CLIC5: variants seen among roughly 807,000 people sequenced by gnomAD.
The protein encoded by CLIC5 is chloride intracellular channel protein 5.
In CLIC5, 20 loss-of-function variants were observed where a neutral mutation model predicts 24.7. The observed-to-expected ratio is 0.81, with a 90% CI of 0.57 to 1.18. The LOEUF (loss-of-function observed/expected upper bound fraction) is 1.18, where lower values mean the gene tolerates loss of function less well. CLIC5 is among the 50% of genes most tolerant of loss of function. The pLI is 0.00. For missense variants in CLIC5, 341 were observed against 326.1 expected (o/e 1.05, Z -0.35); for synonymous variants, 159 against 135.6 (o/e 1.17, Z -1.20).
chr6:45,911,042 G>A lies in CLIC5; in HGVS notation c.588+3186C>T, dbSNP rs1274258074. Among the ~76,000 whole-genome samples, 6 of 152,184 alleles carry A rather than the reference G, an allele frequency of 3.9e-5. No individual in the cohort carries two copies. The East Asian group carries it at 1.2e-3, about 29-fold the overall frequency. On this transcript the variant is annotated intron_variant, in intron 5 of 5. Coordinates refer to ENST00000339561, the MANE Select transcript of CLIC5 (RefSeq NM_016929.5). ...GCTGGATCCCAGCCAACCTGAGCTT[G>A]GACCCTGGCACCAGCTGAGCATCAC...
rs1762556391 is a variant in CLIC5, at chr6:45,903,191, A to C, written c.653T>G (p.Leu218Arg). ...CTCATCACGGGCATAGGCGTTCTTG[A>C]GGTACCGCCACAGGCCTGTCATCTC... ...PAEMTGLWRY[L>R]KNAYARDEFT... The change falls in exon 6 of 6, where the codon CTC becomes CGC. Residue 218 changes from leucine to arginine, a missense_variant. By Grantham distance (102) the Leu-to-Arg change is moderately radical. Coordinates refer to ENST00000339561, the MANE Select transcript of CLIC5 (RefSeq NM_016929.5). 6.2e-7 allele frequency: 1 copy of C among 1,613,620 alleles called. No homozygotes were observed. Among genetic ancestry groups the C allele is most frequent in the Non-Finnish European group, 8.5e-7 (1 of 1,179,812 alleles).
chr6:45,941,612 G>T lies in CLIC5; in HGVS notation c.341C>A (p.Ala114Glu), dbSNP rs143360018. The T allele has an allele frequency of 2.8e-3, 4,577 of 1,613,918 alleles. 8 individuals carry two copies. Among genetic ancestry groups the T allele is most frequent in the Non-Finnish European group, 3.5e-3 (4,109 of 1,179,890 alleles). Reference sequence around the variant, plus strand: ...AAACTTGGAAAAGATGTCGATGCCCGCTGTGTTGGATTCCCGGTGTTTTGC... The same window carrying T: ...AAACTTGGAAAAGATGTCGATGCCCTCTGTGTTGGATTCCCGGTGTTTTGC... ...LAAKHRESNTAGIDIFSKFSA... is the reference protein window; with the variant it reads ...LAAKHRESNTEGIDIFSKFSA... Residue 114 changes from alanine to glutamate, a missense_variant, in exon 4 of 6, where the codon GCG (alanine) becomes GAG (glutamate). By Grantham distance (107) the Ala-to-Glu change is moderately radical. Coordinates refer to ENST00000339561, the MANE Select transcript of CLIC5 (RefSeq NM_016929.5).
chr6:46,120,522 T>C, the CLIC5 span, among the ~76,000 whole-genome samples: 1 of 152,106 alleles, frequency 6.6e-6, no homozygotes, highest in Non-Finnish European at 1.5e-5. Flanking sequence ...AAAATCAGAG[T>C]GCCTCTCCTC....
intron 2 of CLIC5, among the ~76,000 whole-genome samples, chr6:45,952,223 C>A (rs1414245104): frequency 1.3e-5 from 2 of 152,308 alleles, no homozygotes; most frequent in East Asian, 3.9e-4. Context: ...GCCACCGACG[C>A]TTAGCTAGAG....
intron 1 of CLIC5, among the ~76,000 whole-genome samples, chr6:46,026,911 C>T (rs943343088): frequency 6.6e-5 from 10 of 151,936 alleles, no homozygotes; most frequent in Admixed American, 5.9e-4. Flanking sequence ...ACGAGATAAC[C>T]AGAAGATGAG....
chr6:45,975,817 G>T (rs924613295), intron 1 of CLIC5, among the ~76,000 whole-genome samples: 14 of 152,112 alleles, frequency 9.2e-5, no homozygotes, highest in African/African-American at 3.4e-4. Context: ...ACCCTCACTT[G>T]AAAGGTATAC....
At chr6:46,017,430 G>A (rs9472664), upstream of CLIC5, among the ~76,000 whole-genome samples, 857 of 152,266 alleles carry the variant, frequency 5.6e-3, 7 homozygotes, top group African/African-American at 0.019. Flanking sequence ...TTTTACAAGT[G>A]GGGAAACTGA....
intron 3 of CLIC5, among the ~76,000 whole-genome samples, chr6:45,946,310 TA>T (rs1206058177): frequency 2.0e-5 from 3 of 152,214 alleles, no homozygotes; most frequent in African/African-American, 7.2e-5. Flanking sequence ...TAGATCAATC[TA>T]AGGAGAGGGA....
At chr6:46,001,744 C>T (rs1009366286) in intron 1 of CLIC5, among the ~76,000 whole-genome samples, 1 of 152,160 alleles carries the variant, frequency 6.6e-6, no homozygotes, top group African/African-American at 2.4e-5. Flanking sequence ...TCAGAAACCC[C>T]AACTCTGCCA....
intron 1 of CLIC5, among the ~76,000 whole-genome samples, chr6:46,034,371 C>A (rs140793808): frequency 6.6e-6 from 1 of 152,184 alleles, no homozygotes; most frequent in Non-Finnish European, 1.5e-5. Flanking sequence ...ACCCACCATT[C>A]GGGTATCCCT....
intron 4 of CLIC5, among the ~76,000 whole-genome samples, chr6:45,931,008 T>A (rs1763716629): frequency 6.6e-6 from 1 of 152,200 alleles, no homozygotes; most frequent in South Asian, 2.1e-4. Flanking sequence ...AGCTAAGTAT[T>A]GTTTTGTGTT....
intron 5 of CLIC5, chr6:45,912,068 C>A (rs1196160555): frequency 1.0e-6 from 1 of 985,784 alleles, no homozygotes; most frequent in Admixed American, 6.1e-5. Context: ...ATCTGACGTT[C>A]GCAGGGACTT....
At chr6:45,978,585 A>G (rs1430024944) in intron 1 of CLIC5, among the ~76,000 whole-genome samples, 2 of 152,170 alleles carry the variant, frequency 1.3e-5, no homozygotes, top group African/African-American at 2.4e-5. Flanking sequence ...TGCATGTCTA[A>G]CACTTTTACA....
At chr6:45,944,531 A>G (rs985329708) in intron 3 of CLIC5, among the ~76,000 whole-genome samples, 9 of 150,506 alleles carry the variant, frequency 6.0e-5, no homozygotes, top group Admixed American at 3.3e-4. Flanking sequence ...CTGGGAAGTA[A>G]AACAGTTGGC....
intron 1 of CLIC5, among the ~76,000 whole-genome samples, chr6:45,958,370 G>T (rs967282261): frequency 6.9e-6 from 1 of 144,506 alleles, no homozygotes; most frequent in East Asian, 2.1e-4. Flanking sequence ...GCTATACTAT[G>T]TATAGCAATT....
chr6:45,995,476 C>T (rs921876919), intron 1 of CLIC5, among the ~76,000 whole-genome samples: 4 of 152,178 alleles, frequency 2.6e-5, no homozygotes, highest in Non-Finnish European at 5.9e-5. Flanking sequence ...TTACGCAGGC[C>T]TCCCAAGGCT....
At chr6:46,113,523 G>T in the CLIC5 span, among the ~76,000 whole-genome samples, 9 of 152,170 alleles carry the variant, frequency 5.9e-5, no homozygotes, top group Non-Finnish European at 1.3e-4. Flanking sequence ...TCAGTAGGCA[G>T]GTAAGTGATG....
At chr6:46,031,235 C>T (rs189592058) in intron 1 of CLIC5, among the ~76,000 whole-genome samples, 1 of 152,200 alleles carries the variant, frequency 6.6e-6, no homozygotes, top group Non-Finnish European at 1.5e-5. Context: ...TTGCTGGATC[C>T]CTTGCCCCTC....
upstream of CLIC5, chr6:46,080,464 T>C: frequency 1.9e-6 from 1 of 527,744 alleles, no homozygotes; most frequent in Non-Finnish European, 3.3e-6. Flanking sequence ...ACACACTCAG[T>C]TAACTCCTTC....
Sources: allele counts gnomAD v4.1 joint callset (sites outside exome capture counted in the v4.1 genomes callset), GRCh38; gene constraint gnomAD v4.1.1; transcripts MANE v1.5; gene names NCBI Gene and HGNC (gene_info 2026-07-23, HGNC 2026-07-21).